Variants in IMMP2L observed in about 807,000 individuals in gnomAD.
The protein encoded by IMMP2L is inner mitochondrial membrane peptidase subunit 2, also known as mitochondrial inner membrane protease subunit 2.
A neutral mutation model predicts 19.3 loss-of-function variants in IMMP2L; 18 were observed. The ratio of observed to expected loss-of-function variants is 0.93; its 90% CI spans 0.64 to 1.38. IMMP2L has a LOEUF of 1.38. Ranked by LOEUF, IMMP2L falls within the 40% of genes most tolerant of loss-of-function variation. The pLI is 0.00. For synonymous variants in IMMP2L, 76 were observed against 73.0 expected (o/e 1.04, Z -0.21); for missense variants, 233 against 218.2 (o/e 1.07, Z -0.43).
At chr7:111,180,787 C>A (rs931655145) in intron 3 of IMMP2L, among the ~76,000 whole-genome samples, 1 of 151,932 alleles carries the variant, frequency 6.6e-6, no homozygotes, top group Admixed American at 6.6e-5. Flanking sequence ...TTTTAAAATT[C>A]ATTTTGGCTG....
At chr7:111,281,393 A>G (rs578207745) in intron 3 of IMMP2L, among the ~76,000 whole-genome samples, 9 of 152,270 alleles carry the variant, frequency 5.9e-5, no homozygotes, top group African/African-American at 1.9e-4. Flanking sequence ...CCTTAAATAC[A>G]TAGGATACAG....
chr7:111,391,304 T>C (rs562092609), intron 3 of IMMP2L, among the ~76,000 whole-genome samples: 2 of 152,278 alleles, frequency 1.3e-5, no homozygotes, highest in South Asian at 4.2e-4. Flanking sequence ...TACTCTCTAG[T>C]CTGCACCTGC....
chr7:111,364,240 A>G (rs970650544), intron 3 of IMMP2L, among the ~76,000 whole-genome samples: 10 of 152,138 alleles, frequency 6.6e-5, no homozygotes, highest in Admixed American at 6.6e-4. Flanking sequence ...GAATTGTAAT[A>G]GCCAGCTCTT....
At chr7:111,340,616 CAA>C (rs1826914726) in intron 3 of IMMP2L, among the ~76,000 whole-genome samples, 1 of 151,854 alleles carries the variant, frequency 6.6e-6, no homozygotes, top group Non-Finnish European at 1.5e-5. Flanking sequence ...AGATTTATAC[CAA>C]AGAGAAATTC....
At chr7:111,039,745 C>A (rs529563692) in intron 3 of IMMP2L, among the ~76,000 whole-genome samples, 13 of 152,204 alleles carry the variant, frequency 8.5e-5, no homozygotes, top group Non-Finnish European at 1.9e-4. Flanking sequence ...TCCAGCATCT[C>A]TATTCCTCCC....
At chr7:110,896,348 C>A (rs1811321814) in intron 4 of IMMP2L, among the ~76,000 whole-genome samples, 1 of 151,516 alleles carries the variant, frequency 6.6e-6, no homozygotes, top group East Asian at 2.0e-4. Flanking sequence ...AATTAGTTTA[C>A]CTATTGTTAA....
chr7:111,162,690 T>G (rs1357712753), intron 3 of IMMP2L, among the ~76,000 whole-genome samples: 4 of 151,814 alleles, frequency 2.6e-5, no homozygotes, highest in Non-Finnish European at 5.9e-5. Flanking sequence ...TAGATAAAAT[T>G]TCCAGCTAGA....
intron 5 of IMMP2L, among the ~76,000 whole-genome samples, chr7:110,751,816 A>T (rs1031642874): frequency 3.9e-5 from 6 of 152,060 alleles, no homozygotes; most frequent in African/African-American, 1.2e-4. Context: ...CATAAGATTT[A>T]AAAAAACCTA....
intron 4 of IMMP2L, among the ~76,000 whole-genome samples, chr7:110,908,290 A>G (rs996306969): frequency 6.6e-6 from 1 of 152,138 alleles, no homozygotes; most frequent in African/African-American, 2.4e-5. Flanking sequence ...ATATCACTAA[A>G]CCACGCAGGT....
intron 3 of IMMP2L, among the ~76,000 whole-genome samples, chr7:111,095,296 C>G (rs1797286377): frequency 6.6e-6 from 1 of 151,840 alleles, no homozygotes; most frequent in Non-Finnish European, 1.5e-5. Context: ...TTTGTATTCA[C>G]CCAGCTATTT....
At chr7:110,916,012 C>G (rs1200584215) in intron 4 of IMMP2L, among the ~76,000 whole-genome samples, 1 of 152,122 alleles carries the variant, frequency 6.6e-6, no homozygotes, top group Non-Finnish European at 1.5e-5. Context: ...TCTAACTCTG[C>G]AAACTGAAAA....
At chr7:110,750,860 A>G (rs1295254791) in intron 5 of IMMP2L, among the ~76,000 whole-genome samples, 1 of 152,084 alleles carries the variant, frequency 6.6e-6, no homozygotes, top group Non-Finnish European at 1.5e-5. Context: ...TTAGTAATCC[A>G]AACAAACAAT....
chr7:111,441,423 G>C (rs1837704675), intron 3 of IMMP2L, among the ~76,000 whole-genome samples: 1 of 151,730 alleles, frequency 6.6e-6, no homozygotes, highest in Non-Finnish European at 1.5e-5. Flanking sequence ...AGCCCAAGGG[G>C]AGGGAGAGAG....
At chr7:111,366,382 T>A (rs538829823) in intron 3 of IMMP2L, among the ~76,000 whole-genome samples, 6 of 151,072 alleles carry the variant, frequency 4.0e-5, no homozygotes, top group Admixed American at 1.3e-4. Flanking sequence ...GCTGTATTCT[T>A]CAAATATATC....
intron 3 of IMMP2L, among the ~76,000 whole-genome samples, chr7:111,238,311 GT>G (rs148634023): frequency 0.022 from 3,416 of 152,106 alleles, 139 homozygotes; most frequent in African/African-American, 0.078. Flanking sequence ...AACCTGTAAG[GT>G]TTTAAATCTC....
At chr7:110,945,062 A>C (rs1195130829) in intron 4 of IMMP2L, among the ~76,000 whole-genome samples, 3 of 151,894 alleles carry the variant, frequency 2.0e-5, no homozygotes, top group Non-Finnish European at 2.9e-5. Context: ...AGACAAAAGG[A>C]AGGTGCTTTC....
intron 3 of IMMP2L, among the ~76,000 whole-genome samples, chr7:111,477,492 T>A (rs1841818866): frequency 6.6e-6 from 1 of 152,164 alleles, no homozygotes; most frequent in Non-Finnish European, 1.5e-5. Context: ...AGATTGACAT[T>A]TTTTTTCCTT....
intron 5 of IMMP2L, among the ~76,000 whole-genome samples, chr7:110,689,910 C>A (rs1793375182): frequency 6.6e-6 from 1 of 152,178 alleles, no homozygotes; most frequent in South Asian, 2.1e-4. Context: ...TTTAGAACTT[C>A]AACCACAATG....
chr7:111,296,749 C>T lies in IMMP2L; in HGVS notation c.239+190489G>A, dbSNP rs116613776. On this transcript the variant is annotated intron_variant, in intron 3 of 5. Coordinates refer to ENST00000405709, the MANE Select transcript of IMMP2L (RefSeq NM_032549.4). ...CATGCCCATAGATATTCATAACAGA[C>T]TTTTTTTGTAATAATCAAAAGTTAA... 5.4e-3 allele frequency among the ~76,000 whole-genome samples: 826 copies of T among 152,012 alleles called. 12 individuals carry two copies. The highest frequency in any genetic ancestry group is 0.018 in the African/African-American group (761 of 41,508).
Sources: allele counts gnomAD v4.1 joint callset (sites outside exome capture counted in the v4.1 genomes callset), GRCh38; gene constraint gnomAD v4.1.1; transcripts MANE v1.5; gene names NCBI Gene and HGNC (gene_info 2026-07-23, HGNC 2026-07-21).